Variants in SLC35D4 observed in about 807,000 individuals in gnomAD.
SLC35D4 encodes UDP-N-acetylglucosamine transporter SLC35D4.
chr18:23,319,389 G>A, the SLC35D4 span, among the ~76,000 whole-genome samples: 1 of 150,680 alleles, frequency 6.6e-6, no homozygotes, highest in African/African-American at 2.5e-5. Context: ...TCCTGCCTCA[G>A]CCTCCCGAGT....
chr18:23,251,982 A>G, the SLC35D4 span, among the ~76,000 whole-genome samples: 1 of 152,024 alleles, frequency 6.6e-6, no homozygotes, highest in African/African-American at 2.4e-5. Flanking sequence ...GCTACTCAGG[A>G]AGCTGAGACA....
At chr18:23,365,318 C>T in the SLC35D4 span, among the ~76,000 whole-genome samples, 2 of 152,184 alleles carry the variant, frequency 1.3e-5, no homozygotes, top group East Asian at 3.9e-4. Flanking sequence ...AAATGAAGAG[C>T]AATTCAGGAC....
chr18:23,263,313 G>A, the SLC35D4 span, among the ~76,000 whole-genome samples: 2 of 152,160 alleles, frequency 1.3e-5, no homozygotes, highest in Non-Finnish European at 2.9e-5. Flanking sequence ...AGTTAGACAG[G>A]GCCTTCTCCC....
the SLC35D4 span, chr18:23,298,121 C>G: frequency 6.2e-7 from 1 of 1,607,482 alleles, no homozygotes; most frequent in Non-Finnish European, 8.5e-7. Flanking sequence ...CCCTGAGCTG[C>G]CTGGCGCCCA....
chr18:23,283,172 TA>T, the SLC35D4 span, among the ~76,000 whole-genome samples: 1 of 151,876 alleles, frequency 6.6e-6, no homozygotes, highest in Non-Finnish European at 1.5e-5. Flanking sequence ...GGCAAGTGCA[TA>T]AAGTGAAAGC....
chr18:23,377,156 C>A, the SLC35D4 span, among the ~76,000 whole-genome samples: 3 of 152,252 alleles, frequency 2.0e-5, no homozygotes, highest in Non-Finnish European at 2.9e-5. Context: ...CATGACAGGA[C>A]GGCCCAGTTT....
the SLC35D4 span, among the ~76,000 whole-genome samples, chr18:23,402,785 C>G: frequency 6.7e-6 from 1 of 149,996 alleles, no homozygotes; most frequent in Non-Finnish European, 1.5e-5. Context: ...GCCTGGGCAG[C>G]AGGGGTAAGA....
the SLC35D4 span, among the ~76,000 whole-genome samples, chr18:23,301,887 GA>G: frequency 1.3e-5 from 2 of 152,194 alleles, no homozygotes; most frequent in South Asian, 4.1e-4. Flanking sequence ...CAATTAAATA[GA>G]AATCTGGATA....
chr18:23,413,558 T>TA, the SLC35D4 span, among the ~76,000 whole-genome samples: 1 of 152,090 alleles, frequency 6.6e-6, no homozygotes, highest in African/African-American at 2.4e-5. Context: ...GGACCAAGGC[T>TA]AGATGTGTCG....
chr18:23,262,132 A>T, the SLC35D4 span, among the ~76,000 whole-genome samples: 1 of 152,096 alleles, frequency 6.6e-6, no homozygotes, highest in East Asian at 1.9e-4. Flanking sequence ...AAAAATCTAA[A>T]TTTTTTTCTT....
chr18:23,275,385 G>A, the SLC35D4 span, among the ~76,000 whole-genome samples: 3 of 152,234 alleles, frequency 2.0e-5, no homozygotes, highest in South Asian at 4.1e-4. Context: ...GAAACTGGGC[G>A]GGCACCTAGA....
At chr18:23,415,951 T>C in the SLC35D4 span, among the ~76,000 whole-genome samples, 4 of 152,194 alleles carry the variant, frequency 2.6e-5, no homozygotes, top group African/African-American at 7.2e-5. Context: ...CTCATGCCTG[T>C]AATCCCAGCA....
chr18:23,416,633 C>T, the SLC35D4 span, among the ~76,000 whole-genome samples: 5 of 152,174 alleles, frequency 3.3e-5, no homozygotes, highest in Admixed American at 6.5e-5. Flanking sequence ...TGAGCTGTAC[C>T]AGCTCAGGTA....
the SLC35D4 span, among the ~76,000 whole-genome samples, chr18:23,240,662 C>T: frequency 6.6e-6 from 1 of 152,224 alleles, no homozygotes; most frequent in Non-Finnish European, 1.5e-5. Flanking sequence ...AGCTGCTCAC[C>T]TCCCTTAGTA....
At chr18:23,300,509 T>C in the SLC35D4 span, among the ~76,000 whole-genome samples, 54 of 152,326 alleles carry the variant, frequency 3.5e-4, no homozygotes, top group Admixed American at 9.1e-4. Context: ...TGGAGTATAA[T>C]AACCTTGCAT....
the SLC35D4 span, among the ~76,000 whole-genome samples, chr18:23,324,745 T>C: frequency 1.3e-5 from 2 of 150,786 alleles, no homozygotes; most frequent in African/African-American, 4.9e-5. Flanking sequence ...GGAGGAAGAG[T>C]GGGAAGGGCA....
the SLC35D4 span, chr18:23,310,218 C>T: frequency 2.0e-6 from 2 of 985,390 alleles, no homozygotes; most frequent in Non-Finnish European, 2.4e-6. Context: ...TCCGTCCTCA[C>T]CTAATGCTCC....
At chr18:23,326,716 C>CCCCACCTAAT in the SLC35D4 span, among the ~76,000 whole-genome samples, 1 of 152,200 alleles carries the variant, frequency 6.6e-6, no homozygotes, top group African/African-American at 2.4e-5. Flanking sequence ...TAGACATCTA[C>CCCCACCTAAT]AGAACTCTCC....
At chr18:23,376,483 A>G in the SLC35D4 span, among the ~76,000 whole-genome samples, 4 of 152,226 alleles carry the variant, frequency 2.6e-5, no homozygotes, top group African/African-American at 9.6e-5. Context: ...CTACTCCTAT[A>G]GCCTTGCTGA....
Sources: gnomAD v4.1 joint callset for allele counts (sites outside exome capture counted in the v4.1 genomes callset) on GRCh38, gnomAD v4.1.1 for gene constraint, MANE v1.5 for transcripts, NCBI Gene and HGNC (gene_info 2026-07-23, HGNC 2026-07-21) for gene names.